Variants in USP46 observed in about 807,000 individuals in gnomAD.
USP46 encodes the protein ubiquitin specific peptidase 46.
USP46 carries 12 observed loss-of-function variants against 44.4 expected under a neutral mutation model. That is an observed-to-expected ratio of 0.27 (90% CI 0.17 to 0.44). The LOEUF is 0.44. USP46 is among the 20% of genes least tolerant of loss of function. USP46 has a pLI of 1.00. For synonymous variants in USP46, 155 were observed against 161.5 expected, an observed-to-expected ratio of 0.96 and a Z score of 0.31; for missense variants, 248 against 444.8, an observed-to-expected ratio of 0.56 and a Z score of 3.98.
chr4:52,603,415 G>C (rs1716555417), intron 6 of USP46, among the ~76,000 whole-genome samples: 1 of 152,164 alleles, frequency 6.6e-6, no homozygotes, highest in Non-Finnish European at 1.5e-5. Flanking sequence ...GGGAAGGCTG[G>C]GCAGAGAAAT....
In USP46 at chr4:52,597,670, T is replaced by A. The variant is rs1382446942; in HGVS notation, c.1071A>T (p.Gly357=). 2 of 1,597,398 alleles carry A rather than the reference T, an allele frequency of 1.3e-6. No individual in the cohort carries two copies. Among genetic ancestry groups the A allele is most frequent in the East Asian group, 4.5e-5 (2 of 44,552 alleles). The change falls in exon 9 of 9, where the codon GGA becomes GGT. Residue 357 remains glycine, a synonymous_variant. Transcript: ENST00000441222. ...TSDISKNSES[G]YILFYQSRE ...CTCTTGACTGATAGAATAAAATATATCCAGATTCTGAATTTTTTGATATAT... is the reference window on the plus strand; with the variant it reads ...CTCTTGACTGATAGAATAAAATATAACCAGATTCTGAATTTTTTGATATAT...
chr4:52,633,614 G>C (rs1350616628), intron 1 of USP46, among the ~76,000 whole-genome samples: 1 of 152,170 alleles, frequency 6.6e-6, no homozygotes, highest in Non-Finnish European at 1.5e-5. Flanking sequence ...TAGAGCCCGG[G>C]AGGAATGTCA....
intron 1 of USP46, among the ~76,000 whole-genome samples, chr4:52,652,127 C>T (rs910431066): frequency 3.9e-5 from 6 of 152,140 alleles, no homozygotes; most frequent in Non-Finnish European, 8.8e-5. Context: ...GCATAACAAA[C>T]ACATGAAAAG....
In USP46 at chr4:52,597,409, T is replaced by A. The variant is rs1217398874; in HGVS notation, c.*231A>T. ...TCCTAAAATTAGCAACCGTTATTCA[T>A]ATAAATCAGACTACAATCTGATTGC... On this transcript the variant is annotated 3_prime_UTR_variant, in exon 9 of 9. Coordinates refer to ENST00000441222, the MANE Select transcript of USP46 (RefSeq NM_022832.4). 2 of 445,588 alleles carry A rather than the reference T, an allele frequency of 4.5e-6. No homozygotes were observed. Among genetic ancestry groups the A allele is most frequent in the Non-Finnish European group, 7.9e-6 (2 of 251,810 alleles). The allele number at this position is 445,588 out of a possible 1,614,324, so 27.6% of individuals were successfully genotyped here.
In USP46 at chr4:52,593,602, C is replaced by A. The variant is rs1219895403; in HGVS notation, c.*4038G>T. The A allele has an allele frequency of 6.6e-6, 1 of 152,290 alleles. No individual in the cohort carries two copies. Among genetic ancestry groups the A allele is most frequent in the Non-Finnish European group, 1.5e-5 (1 of 68,068 alleles). The allele number at this position is 152,290 out of a possible 1,614,324, so 9.4% of individuals were successfully genotyped here. A position where few individuals can be genotyped will look rare whatever the true frequency, so the allele number is the denominator to read the frequency against. On this transcript the variant is annotated 3_prime_UTR_variant, in exon 9 of 9. Coordinates refer to ENST00000441222, the MANE Select transcript of USP46 (RefSeq NM_022832.4). ...CTTCACTGAGGCCACATGGCATGGA[C>A]CTGTGCCTGCCCTCCTTCTGGGGCA... is the stretch of plus-strand genomic sequence containing the variant.
intron 4 of USP46, among the ~76,000 whole-genome samples, chr4:52,616,821 T>G (rs1010109975): frequency 2.0e-5 from 3 of 152,164 alleles, no homozygotes; most frequent in African/African-American, 7.2e-5. Context: ...ACTATTAGGA[T>G]ATATAAGAAA....
At chr4:52,621,747 C>A (rs1717383365) in intron 4 of USP46, among the ~76,000 whole-genome samples, 1 of 152,046 alleles carries the variant, frequency 6.6e-6, no homozygotes, top group Non-Finnish European at 1.5e-5. Context: ...TCTGAAGATG[C>A]ACATGCCCTA....
chr4:52,659,091 C>T lies in USP46; in HGVS notation c.36+24G>A. On this transcript the variant is annotated intron_variant, in intron 1 of 8. Transcript: ENST00000441222. The surrounding 1 kb of genome is among the most constrained non-coding windows in gnomAD (Gnocchi z 4.2). ...TTGCCTCGCCGCGAGTCGGGCGCGA[C>T]CCCGAGGCGGCTCGGCCACTCACCA... The T allele has an allele frequency of 6.4e-7, 1 of 1,553,702 alleles. No homozygotes were observed. The highest frequency in any genetic ancestry group is 8.7e-7 in the Non-Finnish European group (1 of 1,152,002).
intron 1 of USP46, among the ~76,000 whole-genome samples, chr4:52,644,481 C>A (rs1718462570): frequency 6.6e-6 from 1 of 152,286 alleles, no homozygotes; most frequent in South Asian, 2.1e-4. Flanking sequence ...CAGGCATTAC[C>A]ACCTGAGCTC....
At chr4:52,624,167 T>G (rs545349927) in intron 4 of USP46, among the ~76,000 whole-genome samples, 1 of 152,170 alleles carries the variant, frequency 6.6e-6, no homozygotes, top group East Asian at 1.9e-4. Context: ...TCCTGAATAA[T>G]ACACACATGG....
chr4:52,618,401 A>C (rs1340772591), intron 4 of USP46, among the ~76,000 whole-genome samples: 3 of 152,074 alleles, frequency 2.0e-5, no homozygotes, highest in Non-Finnish European at 4.4e-5. Flanking sequence ...AAGGCAGCAA[A>C]AGCGCTTGAA....
At chr4:52,601,642 C>T (rs1716476467) in intron 7 of USP46, among the ~76,000 whole-genome samples, 1 of 152,192 alleles carries the variant, frequency 6.6e-6, no homozygotes, top group Admixed American at 6.5e-5. Flanking sequence ...TAATTTCTCT[C>T]ATGATAGAAC....
chr4:52,631,676 T>C (rs1717832223), intron 1 of USP46, among the ~76,000 whole-genome samples: 1 of 152,120 alleles, frequency 6.6e-6, no homozygotes, highest in African/African-American at 2.4e-5. Flanking sequence ...GAAGACAGAC[T>C]GAAAGGAAAA....
chr4:52,631,015 T>G, intron 2 of USP46, 49 bp downstream of exon 2: 1 of 1,490,062 alleles, frequency 6.7e-7, no homozygotes, highest in Middle Eastern at 1.9e-4. Flanking sequence ...TGGAGTTGCT[T>G]CATATACCCT....
chr4:52,608,512 TA>T (rs764921208), intron 5 of USP46, among the ~76,000 whole-genome samples: 5 of 152,236 alleles, frequency 3.3e-5, no homozygotes, highest in Non-Finnish European at 7.3e-5. Context: ...TGAATACATC[TA>T]ATCCATTTTC....
At chr4:52,629,747 G>A (rs1425282864) in intron 2 of USP46, 1 of 456,064 alleles carries the variant, frequency 2.2e-6, no homozygotes, top group African/African-American at 2.0e-5. Context: ...CTTCATGTCA[G>A]GGTTTTAAAT....
At chr4:52,602,567 C>T (rs1043949912) in intron 6 of USP46, among the ~76,000 whole-genome samples, 5 of 152,152 alleles carry the variant, frequency 3.3e-5, no homozygotes, top group Admixed American at 1.3e-4. Flanking sequence ...ACTCTCATTC[C>T]GACCCTTGTG....
intron 6 of USP46, among the ~76,000 whole-genome samples, chr4:52,602,831 T>G (rs1416711825): frequency 6.6e-6 from 1 of 151,498 alleles, no homozygotes; most frequent in Non-Finnish European, 1.5e-5. Flanking sequence ...GATGTTGCAC[T>G]TCCCAAACTT....
At chr4:52,650,195 T>C (rs764238722) in intron 1 of USP46, among the ~76,000 whole-genome samples, 3 of 152,204 alleles carry the variant, frequency 2.0e-5, no homozygotes, top group Non-Finnish European at 4.4e-5. Flanking sequence ...TTGTAGAAAC[T>C]ACCAAACTGC....
Sources: gnomAD v4.1 joint callset for allele counts (sites outside exome capture counted in the v4.1 genomes callset) on GRCh38, gnomAD v4.1.1 for gene constraint, Gnocchi (gnomAD v3.1) non-coding constraint, MANE v1.5 for transcripts, NCBI Gene and HGNC (gene_info 2026-07-23, HGNC 2026-07-21) for gene names.